ADGRB3: variants seen among roughly 807,000 people sequenced by gnomAD.
ADGRB3 encodes brain-specific angiogenesis inhibitor 3.
ADGRB3 carries 37 observed loss-of-function variants against 193.4 expected under a neutral mutation model. The ratio of observed to expected loss-of-function variants is 0.19; its 90% CI spans 0.15 to 0.25. ADGRB3 has a LOEUF of 0.25. ADGRB3 is among the 10% of genes least tolerant of loss of function. The pLI is 1.00. For missense variants in ADGRB3, 1,637 were observed against 1,852.9 expected, an observed-to-expected ratio of 0.88 and a Z score of 2.14; for synonymous variants, 690 against 644.2, an observed-to-expected ratio of 1.07 and a Z score of -1.08.
chr6:69,087,941 A>T (rs1473693078), intron 17 of ADGRB3, among the ~76,000 whole-genome samples: 1 of 152,184 alleles, frequency 6.6e-6, no homozygotes, highest in African/African-American at 2.4e-5. Context: ...CTGAGTACAG[A>T]TCACAAGCCA....
At chr6:68,917,782 T>C (rs1766924116) in intron 3 of ADGRB3, among the ~76,000 whole-genome samples, 1 of 152,184 alleles carries the variant, frequency 6.6e-6, no homozygotes, top group Non-Finnish European at 1.5e-5. Context: ...ACTTTATCAA[T>C]ATGCCTCTTA....
At chr6:68,852,310 G>A (rs935424507) in intron 3 of ADGRB3, among the ~76,000 whole-genome samples, 23 of 151,826 alleles carry the variant, frequency 1.5e-4, no homozygotes, top group African/African-American at 5.3e-4. Flanking sequence ...ACAGATGAAA[G>A]CATTTTTGTA....
chr6:68,664,761 AC>A (rs375427785), intron 3 of ADGRB3, among the ~76,000 whole-genome samples: 51 of 151,766 alleles, frequency 3.4e-4, no homozygotes, highest in Admixed American at 9.9e-4. Context: ...GATGATTTGA[AC>A]CCAGGCTGTC....
intron 3 of ADGRB3, among the ~76,000 whole-genome samples, chr6:68,733,320 A>G (rs1765808455): frequency 6.6e-6 from 1 of 150,638 alleles, no homozygotes; most frequent in Non-Finnish European, 1.5e-5. Flanking sequence ...GTCATAAAAA[A>G]GAATGACATC....
At chr6:68,953,339 A>G (rs1767983819) in intron 6 of ADGRB3, among the ~76,000 whole-genome samples, 2 of 152,194 alleles carry the variant, frequency 1.3e-5, no homozygotes, top group Admixed American at 6.6e-5. Flanking sequence ...CACCTTTGTT[A>G]ATGTGCTGCT....
chr6:68,825,261 C>T lies in ADGRB3; in HGVS notation c.758-105298C>T, dbSNP rs142895087. On this transcript the variant is annotated intron_variant, in intron 3 of 31. Transcript: ENST00000370598. ...GTTTTGTACATATGTACTGTGTCTG[C>T]ATATTTTTGCACATTTTCATCTGTG... Among the ~76,000 whole-genome samples the T allele has an allele frequency of 3.7e-4, 56 of 152,114 alleles. 1 individual carries two copies. Among genetic ancestry groups the T allele is most frequent in the Non-Finnish European group, 1.8e-4 (12 of 67,998 alleles).
chr6:68,979,870 C>T (rs1768857490), intron 10 of ADGRB3, among the ~76,000 whole-genome samples: 1 of 151,350 alleles, frequency 6.6e-6, no homozygotes, highest in African/African-American at 2.4e-5. Context: ...CTCTCCTCTT[C>T]CTCCTCTTCC....
intron 17 of ADGRB3, among the ~76,000 whole-genome samples, chr6:69,173,083 G>A (rs1375646400): frequency 2.0e-5 from 3 of 152,196 alleles, no homozygotes; most frequent in African/African-American, 4.8e-5. Flanking sequence ...TGTCGCCCAG[G>A]CTAGAGTACA....
chr6:69,290,452 TGAGA>T (rs57690559), intron 20 of ADGRB3, among the ~76,000 whole-genome samples: 6 of 148,182 alleles, frequency 4.0e-5, no homozygotes, highest in South Asian at 4.3e-4. Context: ...AAATTGAGAC[TGAGA>T]GAGAGAGAGA....
At chr6:68,698,506 A>AT (rs1765191899) in intron 3 of ADGRB3, among the ~76,000 whole-genome samples, 1 of 151,984 alleles carries the variant, frequency 6.6e-6, no homozygotes. Flanking sequence ...AGTTTATTTT[A>AT]TTTGAGATTA....
chr6:68,858,513 A>AC (rs1765053237), intron 3 of ADGRB3, among the ~76,000 whole-genome samples: 1 of 148,056 alleles, frequency 6.8e-6, no homozygotes, highest in Non-Finnish European at 1.5e-5. Flanking sequence ...AAAAAAAAAA[A>AC]ACACCTGAGG....
At chr6:69,073,472 G>GA (rs202078388) in intron 16 of ADGRB3, among the ~76,000 whole-genome samples, 52 of 150,436 alleles carry the variant, frequency 3.5e-4, no homozygotes, top group African/African-American at 1.2e-3. Flanking sequence ...TGAAGGGTGA[G>GA]AAAAAAAAAT....
chr6:69,053,794 C>G (rs1221459748), intron 15 of ADGRB3, among the ~76,000 whole-genome samples: 1 of 152,114 alleles, frequency 6.6e-6, no homozygotes, highest in Non-Finnish European at 1.5e-5. Context: ...ATACCAAGAG[C>G]CTTAAAAGTG....
At chr6:69,353,802 G>T (rs1316820084) in intron 26 of ADGRB3, among the ~76,000 whole-genome samples, 1 of 152,174 alleles carries the variant, frequency 6.6e-6, no homozygotes, top group Non-Finnish European at 1.5e-5. Context: ...GGTGGCTCAT[G>T]CCTGTAATCC....
intron 21 of ADGRB3, 137 bp downstream of exon 21, chr6:69,325,159 C>A: frequency 9.0e-7 from 1 of 1,115,966 alleles, no homozygotes; most frequent in Non-Finnish European, 1.3e-6. Flanking sequence ...ATGAGCTGGT[C>A]AGTTTTGAAC....
chr6:68,936,898 A>G (rs748382504), intron 5 of ADGRB3, among the ~76,000 whole-genome samples: 2 of 152,212 alleles, frequency 1.3e-5, no homozygotes, highest in Non-Finnish European at 2.9e-5. Flanking sequence ...CTTCACTGCA[A>G]ATATCAGTTT....
chr6:68,680,298 A>G (rs1333685721), intron 3 of ADGRB3, among the ~76,000 whole-genome samples: 1 of 152,118 alleles, frequency 6.6e-6, no homozygotes, highest in Non-Finnish European at 1.5e-5. Context: ...AAACCAATAC[A>G]TTAAGGAACA....
In ADGRB3 at chr6:68,702,184, C is replaced by T. The variant is rs76136601; in HGVS notation, c.757+62752C>T. Among the ~76,000 whole-genome samples, 537 of 150,966 alleles carry T rather than the reference C, an allele frequency of 3.6e-3. 1 individual carries two copies. The highest frequency in any genetic ancestry group is 0.011 in the African/African-American group (468 of 41,160). The stretch of plus-strand genomic sequence containing the variant: ...GAAGACAAAGAGGGAGCAGGCATGT[C>T]ACATGGCAAGAACAGGAGCGAGAAA... On this transcript the variant is annotated intron_variant, in intron 3 of 31. Transcript: ENST00000370598.
At chr6:68,784,375 A>G (rs1316935283) in intron 3 of ADGRB3, among the ~76,000 whole-genome samples, 4 of 152,094 alleles carry the variant, frequency 2.6e-5, no homozygotes, top group African/African-American at 9.7e-5. Context: ...TATCACCTTG[A>G]TCTGAGACAA....
Sources: gnomAD v4.1 joint callset for allele counts (sites outside exome capture counted in the v4.1 genomes callset) on GRCh38, gnomAD v4.1.1 for gene constraint, MANE v1.5 for transcripts, NCBI Gene and HGNC (gene_info 2026-07-23, HGNC 2026-07-21) for gene names.